Variants in APBB1 observed in about 807,000 individuals in gnomAD.
APBB1 encodes adaptor protein FE65a2.
In APBB1, 22 loss-of-function variants were observed where a neutral mutation model predicts 78.4. That is an observed-to-expected ratio of 0.28 (90% CI 0.20 to 0.40). The LOEUF (loss-of-function observed/expected upper bound fraction) is 0.40. APBB1 is among the 10% of genes least tolerant of loss of function. The probability of loss-of-function intolerance (pLI) is 1.00; values close to 1 mark genes in which losing one functional copy is unlikely to be tolerated. For synonymous variants in APBB1, 369 were observed against 372.7 expected, an observed-to-expected ratio of 0.99 and a Z score of 0.12; for missense variants, 749 against 932.4, an observed-to-expected ratio of 0.80 and a Z score of 2.56.
intron 2 of APBB1, among the ~76,000 whole-genome samples, chr11:6,406,451 A>G (rs1307907915): frequency 6.6e-6 from 1 of 151,520 alleles, no homozygotes; most frequent in Non-Finnish European, 1.5e-5. Context: ...TTCTCTTCCT[A>G]TCTGGTCTCC....
rs1190353452 is a variant in APBB1 at position 6,401,603 on chromosome 11, C to T, written c.1474G>A (p.Ala492Thr). Reference sequence around the variant, plus strand: ...GAGCAGATCTCATGCAGGCTGGTGGCGATGTTCTTGGCAGGTGCCTCACAG... The same window carrying T: ...GAGCAGATCTCATGCAGGCTGGTGGTGATGTTCTTGGCAGGTGCCTCACAG... ...FRCEAPAKNIATSLHEICSKI... is the reference protein window; with the variant it reads ...FRCEAPAKNITTSLHEICSKI... Residue 492 changes from alanine (A) to threonine (T), a missense_variant, in exon 10 of 15, where the codon GCC becomes ACC. Coordinates refer to ENST00000609360, the MANE Select transcript of APBB1 (RefSeq NM_001164.5). The surrounding 1 kb of genome is among the most constrained non-coding windows in gnomAD (Gnocchi z 4.5). The T allele has an allele frequency of 5.6e-6, 9 of 1,614,116 alleles. No homozygotes were observed. In the South Asian group the frequency reaches 7.7e-5, roughly 14 times the overall value.
In APBB1 at chr11:6,396,139, G is replaced by A. The variant is rs1848205516; in HGVS notation, c.1749C>T (p.Val583=). The A allele has an allele frequency of 5.1e-6, 8 of 1,554,348 alleles. No homozygotes were observed. Among genetic ancestry groups the A allele is most frequent in the Non-Finnish European group, 7.0e-6 (8 of 1,148,628 alleles). The change falls in exon 13 of 15, where the codon GTC becomes GTT. Residue 583 remains valine (V), a synonymous_variant. Coordinates refer to ENST00000609360, the MANE Select transcript of APBB1 (RefSeq NM_001164.5). ...TGGTGAGGGTAGCAGGGGCCACACTGACATGACTTGGGGTCCATTGTTCAC... is the reference window on the plus strand; with the variant it reads ...TGGTGAGGGTAGCAGGGGCCACACTAACATGACTTGGGGTCCATTGTTCAC... ...SSREQWTPSH[V]SVAPATLTIL...
Position 6,410,705 on chromosome 11 carries a change from T to C in APBB1, c.643A>G (p.Ser215Gly). ...CTTGAGTCCTCATCACTGGCTGCAC[T>C]GTTCCGCATGCCAAACAGGAGGCTG... is the stretch of plus-strand genomic sequence containing the variant. ...SASLLFGMRN[S>G]AASDEDSSWA... The change falls in exon 2 of 15, where the codon AGT becomes GGT. Residue 215 changes from serine to glycine, a missense_variant. Ser to Gly is a moderately conservative substitution (Grantham distance 56). This residue lies in a region of APBB1 where 635 missense variants were observed against 765.0 expected (regional missense o/e 0.83). Transcript: ENST00000609360. 1 of 1,544,420 alleles carries C rather than the reference T, an allele frequency of 6.5e-7. No individual in the cohort carries two copies. Among genetic ancestry groups the C allele is most frequent in the Non-Finnish European group, 8.7e-7 (1 of 1,146,074 alleles).
chr11:6,411,340 A>G lies in APBB1; in HGVS notation c.8T>C (p.Val3Ala), dbSNP rs772248869. Residue 3 changes from valine to alanine, a missense_variant, in exon 2 of 15, where the codon GTT becomes GCT. Coordinates refer to ENST00000609360, the MANE Select transcript of APBB1 (RefSeq NM_001164.5). The surrounding 1 kb of genome is among the most constrained non-coding windows in gnomAD (Gnocchi z 5.2). ...GGCCGACTGGCTCAGTGATGATGGAACAGACATGGCCTTGGCAGCTCCTGT... is the reference window on the plus strand; with the variant it reads ...GGCCGACTGGCTCAGTGATGATGGAGCAGACATGGCCTTGGCAGCTCCTGT... MS[V>A]PSSLSQSAIN... The G allele has an allele frequency of 3.9e-6, 6 of 1,540,542 alleles. No individual in the cohort carries two copies. Among genetic ancestry groups the G allele is most frequent in the Admixed American group, 4.0e-5 (2 of 50,134 alleles).
rs771484302 is a variant in APBB1, at chr11:6,401,765, C to T, written c.1389-77G>A. On this transcript the variant is annotated intron_variant, in intron 9 of 14. Transcript: ENST00000609360. This position sits in a 1 kb window ranked among gnomAD's most constrained non-coding sequence, Gnocchi z 4.5. ...CTGGTCCCCACCCCACCCACGTCCTCCCTGCCCATCACAGCTCCTCCAGGG... is the reference window on the plus strand; with the variant it reads ...CTGGTCCCCACCCCACCCACGTCCTTCCTGCCCATCACAGCTCCTCCAGGG... 2.3e-5 allele frequency: 36 copies of T among 1,542,130 alleles called. 3 individuals are homozygous for T. The South Asian group carries it at 3.9e-4, about 17-fold the overall frequency.
intron 1 of APBB1, among the ~76,000 whole-genome samples, chr11:6,415,801 C>A (rs1380089184): frequency 6.6e-6 from 1 of 152,178 alleles, no homozygotes; most frequent in Admixed American, 6.5e-5. Context: ...TCCTATGATG[C>A]CTTTCCAGGA....
At chr11:6,413,718 G>A (rs1043102360) in intron 1 of APBB1, among the ~76,000 whole-genome samples, 4 of 151,548 alleles carry the variant, frequency 2.6e-5, no homozygotes, top group African/African-American at 4.9e-5. Flanking sequence ...TGATCCACCC[G>A]CCTCAGCCTC....
chr11:6,418,204 G>C (rs1849169184), intron 1 of APBB1, among the ~76,000 whole-genome samples: 1 of 152,150 alleles, frequency 6.6e-6, no homozygotes, highest in African/African-American at 2.4e-5. Context: ...AATGCTTCAA[G>C]GAGAGTGAGT....
Position 6,395,732 on chromosome 11 carries a change from A to C in APBB1, c.1966-31T>G, listed in dbSNP as rs1848176376. 1.3e-6 allele frequency: 2 copies of C among 1,599,262 alleles called. No homozygotes were observed. ...GAGGCAAGCAGGGCAGTCACTCCCCAGCCTACCTCCCATGGGGCCACGCCA... is the reference window on the plus strand; with the variant it reads ...GAGGCAAGCAGGGCAGTCACTCCCCCGCCTACCTCCCATGGGGCCACGCCA... On this transcript the variant is annotated intron_variant, in intron 14 of 14. Transcript: ENST00000609360. The surrounding 1 kb of genome is among the most constrained non-coding windows in gnomAD (Gnocchi z 5.2).
chr11:6,419,192 T>C (rs1849198570), upstream of APBB1: 3 of 314,984 alleles, frequency 9.5e-6, no homozygotes, highest in South Asian at 4.6e-4. Flanking sequence ...GGCGCGGCAC[T>C]TGCCGCAGCT....
At chr11:6,413,125 G>C (rs533540285) in intron 1 of APBB1, among the ~76,000 whole-genome samples, 1 of 150,808 alleles carries the variant, frequency 6.6e-6, no homozygotes, top group Admixed American at 6.6e-5. Context: ...ACCAGCCCCC[G>C]ATTTCAGTTA....
rs1848547944 is a variant in APBB1 at position 6,402,093 on chromosome 11, C to T, written c.1371G>A (p.Arg457=). Residue 457 remains arginine, a synonymous_variant, in exon 8 of 15, where the codon CGG becomes CGA. Coordinates refer to ENST00000609360, the MANE Select transcript of APBB1 (RefSeq NM_001164.5). ...AGCCCTATTCCCACCTTCCACTGTC[C>T]CGCCCGACGCCCCACACGCGGATGC... is the stretch of plus-strand genomic sequence containing the variant. ...IISIRVWGVG[R]DSGRERDFAY... is the part of the protein sequence containing the mutation. 1.2e-6 allele frequency: 2 copies of T among 1,614,026 alleles called. No individual in the cohort carries two copies. The highest frequency in any genetic ancestry group is 2.2e-5 in the East Asian group (1 of 44,886).
In APBB1 at chr11:6,411,188, T is replaced by C. The variant is rs747944904; in HGVS notation, c.160A>G (p.Met54Val). The C allele has an allele frequency of 6.2e-6, 10 of 1,607,966 alleles. No individual in the cohort carries two copies. In the South Asian group the frequency reaches 8.8e-5, roughly 14 times the overall value. The change falls in exon 2 of 15, where the codon ATG becomes GTG. Residue 54 changes from methionine to valine, a missense_variant. Around this residue, in one of 3 missense-constraint regions of APBB1, gnomAD observed 635 missense variants for 765.0 expected, o/e 0.83. Transcript: ENST00000609360. This position sits in a 1 kb window ranked among gnomAD's most constrained non-coding sequence, Gnocchi z 5.2. ...AVGPKDLRSA[M>V]GEGGGPEPGP... is the part of the protein sequence containing the mutation. ...GGCTCAGGCCCACCACCCTCCCCCATGGCGCTGCGCAGGTCCTTGGGTCCC... is the reference window on the plus strand; with the variant it reads ...GGCTCAGGCCCACCACCCTCCCCCACGGCGCTGCGCAGGTCCTTGGGTCCC...
At position 6,401,856 on chromosome 11, in the gene APBB1, A is replaced by C. The variant is rs746600326; in HGVS notation, c.1388+121T>G. 31 of 1,466,584 alleles carry C rather than the reference A, an allele frequency of 2.1e-5. No homozygotes were observed. Among genetic ancestry groups the C allele is most frequent in the Admixed American group, 1.3e-4 (7 of 52,724 alleles). 90.8% of individuals were successfully genotyped at this position (1,466,584 alleles called of 1,614,324 possible). On this transcript the variant is annotated intron_variant, in intron 9 of 14. Coordinates refer to ENST00000609360, the MANE Select transcript of APBB1 (RefSeq NM_001164.5). This position sits in a 1 kb window ranked among gnomAD's most constrained non-coding sequence, Gnocchi z 4.5. ...GGGGGGGAGGGGTAGACAGGCAAGC[A>C]TGCTGAGGTGGAGGGTAATGGTGGA...
At chr11:6,396,064 C>T in intron 13 of APBB1, 36 bp downstream of exon 13, 2 of 1,595,668 alleles carry the variant, frequency 1.3e-6, no homozygotes, top group Non-Finnish European at 1.7e-6. Flanking sequence ...CCCTCTATGG[C>T]AAGGCGCAGC....
intron 1 of APBB1, among the ~76,000 whole-genome samples, chr11:6,417,866 G>T (rs1239113952): frequency 6.6e-6 from 1 of 152,224 alleles, no homozygotes; most frequent in East Asian, 1.9e-4. Flanking sequence ...GTGGGGTACA[G>T]AGAAAACCAC....
Position 6,403,246 on chromosome 11 carries a change from T to A in APBB1, c.1041-38A>T, listed in dbSNP as rs1303449631. 2 of 1,610,606 alleles carry A rather than the reference T, an allele frequency of 1.2e-6. No homozygotes were observed. Among genetic ancestry groups the A allele is most frequent in the South Asian group, 1.1e-5 (1 of 90,532 alleles). On this transcript the variant is annotated intron_variant, in intron 5 of 14. Transcript: ENST00000609360. This position sits in a 1 kb window ranked among gnomAD's most constrained non-coding sequence, Gnocchi z 5.3. ...GGTAATACTTGGCACAGGGCTCCCA[T>A]AAATGGAGCTGTCCCAAGGCCCCTT... is the stretch of plus-strand genomic sequence containing the variant.
chr11:6,396,352 G>A (rs1366780671), intron 12 of APBB1, 137 bp from the exon 13 acceptor site: 11 of 687,100 alleles, frequency 1.6e-5, no homozygotes, highest in Non-Finnish European at 1.9e-5. Context: ...TTTGGACAAC[G>A]CTGTCCAAGT....
chr11:6,407,907 G>C (rs367898673), intron 2 of APBB1, among the ~76,000 whole-genome samples: 6 of 151,520 alleles, frequency 4.0e-5, no homozygotes, highest in East Asian at 3.9e-4. Flanking sequence ...AGCCTCCCGA[G>C]TAGCTGGGAC....
Sources: gnomAD v4.1 joint callset for allele counts (sites outside exome capture counted in the v4.1 genomes callset) on GRCh38, gnomAD v4.1.1 for gene constraint, gnomAD v4.1.1 regional missense constraint, Gnocchi (gnomAD v3.1) non-coding constraint, MANE v1.5 for transcripts, NCBI Gene and HGNC (gene_info 2026-07-23, HGNC 2026-07-21) for gene names.